Variants in AGPAT3 observed in about 807,000 individuals in gnomAD.
AGPAT3 encodes 1-acylglycerol-3-phosphate O-acyltransferase 3, also known as 1-acyl-sn-glycerol-3-phosphate acyltransferase gamma.
AGPAT3 carries 5 observed loss-of-function variants against 47.3 expected under a neutral mutation model. That is an observed-to-expected ratio of 0.11 (90% CI 0.06 to 0.22). AGPAT3 has a LOEUF of 0.22. Ranked by LOEUF, AGPAT3 falls within the 10% of genes least tolerant of loss-of-function variation. The pLI is 1.00. For synonymous variants in AGPAT3, 212 were observed against 208.3 expected, an observed-to-expected ratio of 1.02 and a Z score of -0.15; for missense variants, 315 against 493.0, an observed-to-expected ratio of 0.64 and a Z score of 3.42.
At chr21:43,969,487 A>G (rs778898734) in intron 5 of AGPAT3, among the ~76,000 whole-genome samples, 3 of 152,298 alleles carry the variant, frequency 2.0e-5, no homozygotes, top group Non-Finnish European at 2.9e-5. Flanking sequence ...CCGCAATCCC[A>G]GCTCTGACCA....
chr21:43,980,255 G>A (rs2089792772), intron 8 of AGPAT3, among the ~76,000 whole-genome samples: 1 of 138,758 alleles, frequency 7.2e-6, no homozygotes, highest in African/African-American at 2.8e-5. Flanking sequence ...CAGCCTGGGC[G>A]ACAGAGTGAG....
chr21:43,910,596 A>T (rs2086610520), intron 2 of AGPAT3, among the ~76,000 whole-genome samples: 2 of 152,226 alleles, frequency 1.3e-5, no homozygotes, highest in African/African-American at 4.8e-5. Flanking sequence ...CTCTGGAAGC[A>T]AGTGTGCTGT....
At chr21:43,960,182 A>G (rs925344882) in intron 3 of AGPAT3, among the ~76,000 whole-genome samples, 2 of 152,206 alleles carry the variant, frequency 1.3e-5, no homozygotes, top group African/African-American at 4.8e-5. Context: ...AGCTCCCTAC[A>G]TGGCCCCTCG....
chr21:43,907,029 CTTTTTTTTTT>C (rs760824887), intron 2 of AGPAT3, among the ~76,000 whole-genome samples: 1 of 128,814 alleles, frequency 7.8e-6, no homozygotes, highest in South Asian at 2.5e-4. Flanking sequence ...TCTTTTCTTT[CTTTTTTTTTT>C]TTTTTTTTTT....
At chr21:43,923,325 A>C (rs1320244408) in intron 2 of AGPAT3, among the ~76,000 whole-genome samples, 6 of 152,342 alleles carry the variant, frequency 3.9e-5, no homozygotes, top group African/African-American at 1.2e-4. Context: ...CGCTGATGTC[A>C]GGATCTATAG....
At chr21:43,935,769 A>G (rs552994763) in intron 2 of AGPAT3, among the ~76,000 whole-genome samples, 2 of 152,064 alleles carry the variant, frequency 1.3e-5, no homozygotes, top group South Asian at 2.1e-4. Flanking sequence ...AGGAAGGACA[A>G]CCTGGCTTCA....
In AGPAT3 at chr21:43,930,183, T is replaced by C. The variant is rs1008811700; in HGVS notation, c.-49+26164T>C. On this transcript the variant is annotated intron_variant, in intron 2 of 9. Transcript: ENST00000291572. The surrounding 1 kb of genome is among the most constrained non-coding windows in gnomAD (Gnocchi z 5.0). Reference sequence around the variant, plus strand: ...ACGGAGAGTCTAAGGCAGAGAGAAGTTGGGTTCCCCTTCCACGGTTCCCTG... The same window carrying C: ...ACGGAGAGTCTAAGGCAGAGAGAAGCTGGGTTCCCCTTCCACGGTTCCCTG... Among the ~76,000 whole-genome samples, 4 of 152,106 alleles carry C rather than the reference T, an allele frequency of 2.6e-5. No individual in the cohort carries two copies. Among genetic ancestry groups the C allele is most frequent in the African/African-American group, 9.7e-5 (4 of 41,424 alleles).
At chr21:43,893,848 C>T (rs1334173527) in intron 1 of AGPAT3, among the ~76,000 whole-genome samples, 1 of 152,194 alleles carries the variant, frequency 6.6e-6, no homozygotes, top group East Asian at 1.9e-4. Context: ...ATGGTAGGAA[C>T]ATCAAAGATC....
At chr21:43,872,260 A>G (rs1375891719) in intron 1 of AGPAT3, among the ~76,000 whole-genome samples, 4 of 151,248 alleles carry the variant, frequency 2.6e-5, no homozygotes, top group African/African-American at 9.7e-5. Flanking sequence ...AGTTCACTGC[A>G]ACCTCTGCCT....
intron 1 of AGPAT3, among the ~76,000 whole-genome samples, chr21:43,872,550 T>A (rs1316576006): frequency 1.3e-5 from 2 of 152,232 alleles, no homozygotes; most frequent in Non-Finnish European, 2.9e-5. Flanking sequence ...CAGTTGACTT[T>A]TGGGTATTGA....
At chr21:43,875,919 A>G (rs2085724166) in intron 1 of AGPAT3, among the ~76,000 whole-genome samples, 1 of 151,946 alleles carries the variant, frequency 6.6e-6, no homozygotes, top group East Asian at 1.9e-4. Context: ...CTGCGCTATT[A>G]ATATTTAACC....
At chr21:43,951,355 G>A (rs1323554507) in intron 2 of AGPAT3, among the ~76,000 whole-genome samples, 2 of 152,218 alleles carry the variant, frequency 1.3e-5, no homozygotes, top group African/African-American at 2.4e-5. Flanking sequence ...CCTGTCTAGA[G>A]CATCAGAAAT....
chr21:43,878,942 T>C (rs917560299), intron 1 of AGPAT3, among the ~76,000 whole-genome samples: 83 of 152,152 alleles, frequency 5.5e-4, no homozygotes, highest in African/African-American at 1.7e-3. Context: ...GGTTTCACCA[T>C]ATTGGCCAGG....
chr21:43,908,709 G>T lies in AGPAT3; in HGVS notation c.-49+4690G>T, dbSNP rs992852216. Reference sequence around the variant, plus strand: ...AAAACCTTTGGGTTCTTTAAGAAAAGGCTAATTGCAGAGGATGCTCACTGA... The same window carrying T: ...AAAACCTTTGGGTTCTTTAAGAAAATGCTAATTGCAGAGGATGCTCACTGA... On this transcript the variant is annotated intron_variant, in intron 2 of 9. Transcript: ENST00000291572. This position sits in a 1 kb window ranked among gnomAD's most constrained non-coding sequence, Gnocchi z 4.9. Among the ~76,000 whole-genome samples the T allele has an allele frequency of 2.6e-5, 4 of 152,216 alleles. No homozygotes were observed. The highest frequency in any genetic ancestry group is 9.6e-5 in the African/African-American group (4 of 41,456).
At chr21:43,931,841 T>C (rs1181414734) in intron 2 of AGPAT3, among the ~76,000 whole-genome samples, 1 of 152,018 alleles carries the variant, frequency 6.6e-6, no homozygotes, top group Non-Finnish European at 1.5e-5. Flanking sequence ...GTAAAGAGCA[T>C]GATGAAAAGC....
intron 1 of AGPAT3, among the ~76,000 whole-genome samples, chr21:43,901,428 G>A (rs1422016157): frequency 1.5e-5 from 1 of 65,388 alleles, no homozygotes; most frequent in African/African-American, 7.8e-5. Flanking sequence ...TGATAAATAT[G>A]TTCCACGTGT....
At chr21:43,923,046 C>T (rs1472229797) in intron 2 of AGPAT3, among the ~76,000 whole-genome samples, 1 of 152,184 alleles carries the variant, frequency 6.6e-6, no homozygotes, top group Non-Finnish European at 1.5e-5. Context: ...AAACCAGCTG[C>T]AGGTGTCTGT....
chr21:43,975,148 C>A (rs1417991557), intron 7 of AGPAT3, among the ~76,000 whole-genome samples: 1 of 145,542 alleles, frequency 6.9e-6, no homozygotes, highest in Non-Finnish European at 1.5e-5. Flanking sequence ...TGGTATGTGT[C>A]GAGGTGTGCT....
At chr21:43,890,298 G>A (rs752383976) in intron 1 of AGPAT3, among the ~76,000 whole-genome samples, 18 of 152,144 alleles carry the variant, frequency 1.2e-4, no homozygotes, top group Non-Finnish European at 2.4e-4. Context: ...CTTTGCCTCC[G>A]TCATGATGGT....
Sources: allele counts gnomAD v4.1 joint callset (sites outside exome capture counted in the v4.1 genomes callset), GRCh38; gene constraint gnomAD v4.1.1; non-coding constraint Gnocchi (gnomAD v3.1); transcripts MANE v1.5; gene names NCBI Gene and HGNC (gene_info 2026-07-23, HGNC 2026-07-21).